The following LMTK2 variants were observed in gnomAD, a reference collection of about 807,000 sequenced individuals.
LMTK2 encodes lemur tail kinase 2, also known as serine/threonine-protein kinase LMTK2.
LMTK2 carries 37 observed loss-of-function variants against 127.5 expected under a neutral mutation model. That is an observed-to-expected ratio of 0.29 (90% CI 0.22 to 0.38). The LOEUF (loss-of-function observed/expected upper bound fraction) is 0.38. Ranked by LOEUF, LMTK2 falls within the 10% of genes least tolerant of loss-of-function variation. The probability of loss-of-function intolerance (pLI) is 1.00; values close to 1 mark genes in which losing one functional copy is unlikely to be tolerated. For synonymous variants in LMTK2, 819 were observed against 810.1 expected, an observed-to-expected ratio of 1.01 and a Z score of -0.19; for missense variants, 1,694 against 1,920.3, an observed-to-expected ratio of 0.88 and a Z score of 2.20.
At chr7:98,140,800 A>G (rs1158274846) in intron 2 of LMTK2, among the ~76,000 whole-genome samples, 2 of 151,876 alleles carry the variant, frequency 1.3e-5, no homozygotes, top group East Asian at 3.9e-4. Context: ...TGTGGCTAAC[A>G]TCTGTAATCC....
rs1796805195 is a variant in LMTK2 at position 98,148,520 on chromosome 7, T to TA, written c.377-2860dup. ...AAAAAAAAAAAAATAATAATAATAA[T>TA]AATAAATAAAAATAAAAAATAAAGT... On this transcript the variant is annotated intron_variant, in intron 3 of 13. Coordinates refer to ENST00000297293, the MANE Select transcript of LMTK2 (RefSeq NM_014916.4). 2.0e-5 allele frequency among the ~76,000 whole-genome samples: 3 copies of TA among 150,062 alleles called. No individual in the cohort carries two copies. The South Asian group carries it at 6.3e-4, about 31-fold the overall frequency.
At position 98,165,355 on chromosome 7, in the gene LMTK2, G is replaced by A. The variant is rs549471246; in HGVS notation, c.657+5930G>A. Among the ~76,000 whole-genome samples, 128 of 152,324 alleles carry A rather than the reference G, an allele frequency of 8.4e-4. 1 individual carries two copies. The highest frequency in any genetic ancestry group is 3.0e-3 in the African/African-American group (123 of 41,574). On this transcript the variant is annotated intron_variant, in intron 6 of 13. Transcript: ENST00000297293. The stretch of plus-strand genomic sequence containing the variant: ...GAAACCAAGGCCGAGAGAGGGGAAG[G>A]GACTGGCTGAAGAATCAGACCCAGG...
chr7:98,189,604 G>A (rs1039656694), intron 9 of LMTK2, among the ~76,000 whole-genome samples: 5 of 152,096 alleles, frequency 3.3e-5, no homozygotes, highest in African/African-American at 9.7e-5. Context: ...AGTCACGTTC[G>A]GGAACATTGC....
At chr7:98,143,531 G>T (rs1293817944) in intron 3 of LMTK2, among the ~76,000 whole-genome samples, 1 of 152,124 alleles carries the variant, frequency 6.6e-6, no homozygotes, top group Admixed American at 6.5e-5. Context: ...ATCTCAAATG[G>T]CCAATAAACA....
intron 7 of LMTK2, among the ~76,000 whole-genome samples, chr7:98,180,157 C>A (rs1310015732): frequency 6.6e-6 from 1 of 152,224 alleles, no homozygotes; most frequent in African/African-American, 2.4e-5. Context: ...TGTTATGTAT[C>A]AAGCTGTTAC....
chr7:98,137,702 A>T (rs1796614697), intron 2 of LMTK2, among the ~76,000 whole-genome samples: 2 of 152,362 alleles, frequency 1.3e-5, no homozygotes, highest in Non-Finnish European at 2.9e-5. Context: ...TATTTACACA[A>T]ATAGGAGGTT....
At chr7:98,153,746 G>T (rs1796889238) in intron 4 of LMTK2, among the ~76,000 whole-genome samples, 1 of 152,026 alleles carries the variant, frequency 6.6e-6, no homozygotes, top group Non-Finnish European at 1.5e-5. Flanking sequence ...CACGCCTGTG[G>T]TCCCAGCTAC....
chr7:98,147,697 T>G (rs1796794360), intron 3 of LMTK2, among the ~76,000 whole-genome samples: 1 of 152,202 alleles, frequency 6.6e-6, no homozygotes, highest in South Asian at 2.1e-4. Flanking sequence ...TCCTTTCTGC[T>G]TTTCAGACTA....
chr7:98,158,969 G>C (rs1300995312), intron 5 of LMTK2, among the ~76,000 whole-genome samples: 4 of 152,148 alleles, frequency 2.6e-5, no homozygotes, highest in African/African-American at 9.7e-5. Context: ...GAGGTGGCAG[G>C]ATCACTTGAG....
intron 1 of LMTK2, among the ~76,000 whole-genome samples, chr7:98,117,403 G>A (rs950474598): frequency 1.3e-5 from 2 of 152,284 alleles, no homozygotes; most frequent in South Asian, 4.1e-4. Flanking sequence ...TTATGTCAGT[G>A]TGGATGCATG....
At chr7:98,174,211 A>T (rs769608053) in intron 7 of LMTK2, among the ~76,000 whole-genome samples, 113 of 152,096 alleles carry the variant, frequency 7.4e-4, no homozygotes, top group Non-Finnish European at 8.4e-4. Flanking sequence ...ATCATATAGT[A>T]TATTTTTAAG....
At chr7:98,185,325 G>A (rs1008517834) in intron 8 of LMTK2, among the ~76,000 whole-genome samples, 190 bp downstream of exon 8, 3 of 152,186 alleles carry the variant, frequency 2.0e-5, no homozygotes, top group South Asian at 2.1e-4. Context: ...CTTTGCATCC[G>A]AGGTTTTGCA....
chr7:98,203,427 C>T (rs1221837753), intron 11 of LMTK2, 147 bp from the exon 12 acceptor site: 15 of 1,014,048 alleles, frequency 1.5e-5, no homozygotes, highest in Admixed American at 3.2e-5. Flanking sequence ...AGTGTCTGTC[C>T]GTCCTCCCAG....
chr7:98,194,195 G>A lies in LMTK2; in HGVS notation c.3730G>A (p.Asp1244Asn). The A allele has an allele frequency of 6.2e-7, 1 of 1,613,974 alleles. No individual in the cohort carries two copies. The highest frequency in any genetic ancestry group is 8.5e-7 in the Non-Finnish European group (1 of 1,180,006). ...ELLAYTNSAL[D>N]KSLSSHSEGP... is the part of the protein sequence containing the mutation. The stretch of plus-strand genomic sequence containing the variant: ...CCTTGCCTACACCAATTCTGCGCTG[G>A]ACAAGTCCCTGTCCAGCCACTCCGA... The change falls in exon 11 of 14, where the codon GAC (aspartate) becomes AAC (asparagine). Residue 1244 changes from aspartate (D) to asparagine (N), a missense_variant. Physicochemically the swap from Asp to Asn is conservative, Grantham distance 23. Transcript: ENST00000297293. This position sits in a 1 kb window ranked among gnomAD's most constrained non-coding sequence, Gnocchi z 5.4.
chr7:98,190,234 A>G (rs528983403), intron 9 of LMTK2, among the ~76,000 whole-genome samples: 19 of 152,320 alleles, frequency 1.2e-4, no homozygotes, highest in African/African-American at 4.6e-4. Context: ...TCCTCATTTT[A>G]ACAGAAATGC....
intron 7 of LMTK2, among the ~76,000 whole-genome samples, chr7:98,173,017 C>T (rs1048005352): frequency 2.6e-5 from 4 of 152,188 alleles, no homozygotes; most frequent in Admixed American, 6.5e-5. Flanking sequence ...CTCAGCCTCC[C>T]GAAGTGCCAG....
chr7:98,178,665 A>G (rs1208074142), intron 7 of LMTK2, among the ~76,000 whole-genome samples: 1 of 152,212 alleles, frequency 6.6e-6, no homozygotes, highest in East Asian at 1.9e-4. Flanking sequence ...TGTTGTTAAG[A>G]AGTGACACCT....
At chr7:98,128,329 T>TG in intron 1 of LMTK2, among the ~76,000 whole-genome samples, 1 of 152,000 alleles carries the variant, frequency 6.6e-6, no homozygotes, top group East Asian at 1.9e-4. Flanking sequence ...CCTTGTAAAA[T>TG]GGGGAACTTT....
chr7:98,110,532 C>A (rs1562892853), intron 1 of LMTK2, among the ~76,000 whole-genome samples: 1 of 152,176 alleles, frequency 6.6e-6, no homozygotes, highest in Admixed American at 6.5e-5. Flanking sequence ...AGTTAAATTG[C>A]CAAACTAAGA....
Sources: allele counts gnomAD v4.1 joint callset (sites outside exome capture counted in the v4.1 genomes callset), GRCh38; gene constraint gnomAD v4.1.1; non-coding constraint Gnocchi (gnomAD v3.1); transcripts MANE v1.5; gene names NCBI Gene and HGNC (gene_info 2026-07-23, HGNC 2026-07-21).